Variants in EIF2S1 observed in about 807,000 individuals in gnomAD.
EIF2S1 encodes the protein eukaryotic translation initiation factor 2 subunit 1.
EIF2S1 carries 5 observed loss-of-function variants against 33.5 expected under a neutral mutation model. That is an observed-to-expected ratio of 0.15 (90% CI 0.08 to 0.31). EIF2S1 has a LOEUF of 0.31. Among genes scored for constraint, EIF2S1 ranks in the 10% least tolerant of loss-of-function variants. EIF2S1 has a pLI of 1.00. For synonymous variants in EIF2S1, 99 were observed against 127.5 expected, an observed-to-expected ratio of 0.78 and a Z score of 1.51; for missense variants, 191 against 384.6, an observed-to-expected ratio of 0.50 and a Z score of 4.21.
intron 1 of EIF2S1, chr14:67,364,203 T>C (rs2085759786): frequency 6.6e-6 from 1 of 152,182 alleles, no homozygotes; most frequent in Non-Finnish European, 1.5e-5. Context: ...TTTTAGTTTA[T>C]TTTGTGATTA....
chr14:67,385,386 G>A lies in EIF2S1; in HGVS notation c.*1946G>A, dbSNP rs2085915272. 1 of 150,866 alleles carries A rather than the reference G, an allele frequency of 6.6e-6. No individual in the cohort carries two copies. The highest frequency in any genetic ancestry group is 1.5e-5 in the Non-Finnish European group (1 of 67,796). The allele number at this position is 150,866 out of a possible 1,614,324, so 9.3% of individuals were successfully genotyped here. On this transcript the variant is annotated 3_prime_UTR_variant, in exon 8 of 8. Transcript: ENST00000256383. ...CAGGAGGATCACTTGAGGCCAGTGA[G>A]CTGTGATCACTCCAGTGCACTCGAG... is the stretch of plus-strand genomic sequence containing the variant.
chr14:67,381,511 T>C, intron 5 of EIF2S1, 82 bp from the exon 6 acceptor site: 1 of 1,058,978 alleles, frequency 9.4e-7, no homozygotes, highest in Non-Finnish European at 1.5e-6. Flanking sequence ...AATACTAATA[T>C]ATCTGCCACG....
At chr14:67,377,539 A>G (rs963796677) in intron 4 of EIF2S1, among the ~76,000 whole-genome samples, 1 of 152,224 alleles carries the variant, frequency 6.6e-6, no homozygotes, top group Non-Finnish European at 1.5e-5. Context: ...TGTCTCAACA[A>G]ACTTACATAT....
chr14:67,383,558 A>C lies in EIF2S1; in HGVS notation c.*118A>C. 4 of 1,415,264 alleles carry C rather than the reference A, an allele frequency of 2.8e-6. No individual in the cohort carries two copies. Among genetic ancestry groups the C allele is most frequent in the Non-Finnish European group, 3.9e-6 (4 of 1,037,976 alleles). 87.7% of individuals were successfully genotyped at this position (1,415,264 alleles called of 1,614,324 possible). A position where few individuals can be genotyped will look rare whatever the true frequency, so the allele number is the denominator to read the frequency against. On this transcript the variant is annotated 3_prime_UTR_variant, in exon 8 of 8. Transcript: ENST00000256383. The stretch of plus-strand genomic sequence containing the variant: ...TCAAAGCTGAATATTTTTTATTTCT[A>C]AGTATTTAAATGTTCTAACAGATCA...
rs189604510 is a variant in EIF2S1, at chr14:67,363,771, A to C, written c.-1-996A>C. Among the ~76,000 whole-genome samples the C allele has an allele frequency of 6.4e-4, 98 of 152,324 alleles. 1 individual carries two copies. In the East Asian group the frequency reaches 0.019, roughly 29 times the overall value. On this transcript the variant is annotated intron_variant, in intron 1 of 7. Coordinates refer to ENST00000256383, the MANE Select transcript of EIF2S1 (RefSeq NM_004094.5). The stretch of plus-strand genomic sequence containing the variant: ...CACTGAGAAGATATAGGCAGGTGCC[A>C]ATTAATAAGTTATTATATGAATTTT...
In EIF2S1 at chr14:67,379,310, A is replaced by T. The variant is rs2085873601; in HGVS notation, c.474-1349A>T. Reference sequence around the variant, plus strand: ...AAATCCTTGCCACAATTTGGTATATATCTGATTTTTTCTCCTTTTTCTAGT... The same window carrying T: ...AAATCCTTGCCACAATTTGGTATATTTCTGATTTTTTCTCCTTTTTCTAGT... On this transcript the variant is annotated intron_variant, in intron 4 of 7. Transcript: ENST00000256383. Among the ~76,000 whole-genome samples the T allele has an allele frequency of 4.6e-5, 7 of 152,340 alleles. No homozygotes were observed. In the South Asian group the frequency reaches 1.4e-3, roughly 32 times the overall value.
chr14:67,364,773 G>A lies in EIF2S1; in HGVS notation c.6G>A (p.Pro2=), dbSNP rs374574823. The change falls in exon 2 of 8, where the codon CCG becomes CCA. Residue 2 remains proline (P), a synonymous_variant. Transcript: ENST00000256383. ...TCTTTTGTTTAAATTGCAGAATGCCGGGTCTAAGTTGTAGATTTTATCAAC... is the reference window on the plus strand; with the variant it reads ...TCTTTTGTTTAAATTGCAGAATGCCAGGTCTAAGTTGTAGATTTTATCAAC... M[P]GLSCRFYQHK... is the part of the protein sequence containing the mutation. 9 of 1,608,016 alleles carry A rather than the reference G, an allele frequency of 5.6e-6. No individual in the cohort carries two copies. The East Asian group carries it at 9.0e-5, about 16-fold the overall frequency.
intron 1 of EIF2S1, among the ~76,000 whole-genome samples, chr14:67,363,098 A>G (rs986344558): frequency 1.3e-5 from 2 of 152,142 alleles, no homozygotes; most frequent in African/African-American, 4.8e-5. Context: ...ATGTCTTGCA[A>G]CTGTTCCATA....
intron 4 of EIF2S1, among the ~76,000 whole-genome samples, chr14:67,378,125 A>T (rs1001972048): frequency 3.3e-4 from 44 of 133,242 alleles, no homozygotes; most frequent in Admixed American, 3.1e-3. Flanking sequence ...CTTGTCTCTT[A>T]AAAAAAAAAA....
intron 6 of EIF2S1, 62 bp from the exon 7 acceptor site, chr14:67,382,385 A>G: frequency 6.9e-7 from 1 of 1,449,022 alleles, no homozygotes; most frequent in Non-Finnish European, 9.4e-7. Flanking sequence ...AATCTCAAGC[A>G]TCCTAATAGT....
chr14:67,380,897 C>A, intron 5 of EIF2S1, 132 bp downstream of exon 5: 1 of 457,648 alleles, frequency 2.2e-6, no homozygotes, highest in South Asian at 7.0e-5. Context: ...TTTTTTATAA[C>A]AAAAGCTTAA....
rs1159246864 is a variant in EIF2S1, at chr14:67,385,967, C to G, written c.*2527C>G. The G allele has an allele frequency of 6.6e-6, 1 of 152,060 alleles. No individual in the cohort carries two copies. Among genetic ancestry groups the G allele is most frequent in the Non-Finnish European group, 1.5e-5 (1 of 68,004 alleles). 9.4% of individuals were successfully genotyped at this position (152,060 alleles called of 1,614,324 possible). A position where few individuals can be genotyped will look rare whatever the true frequency, so the allele number is the denominator to read the frequency against. ...ATGGCTAGAGATTTTTTTAAAAATA[C>G]AAATGCCAGTACCTTGCCGAGACTT... On this transcript the variant is annotated 3_prime_UTR_variant, in exon 8 of 8. Coordinates refer to ENST00000256383, the MANE Select transcript of EIF2S1 (RefSeq NM_004094.5).
At chr14:67,371,334 G>A (rs528951755) in intron 2 of EIF2S1, among the ~76,000 whole-genome samples, 9 of 151,286 alleles carry the variant, frequency 5.9e-5, no homozygotes, top group Admixed American at 1.3e-4. Context: ...GTGGGAGGAC[G>A]GCTTGAGCCC....
chr14:67,361,966 T>C (rs1039394370), intron 1 of EIF2S1, among the ~76,000 whole-genome samples: 1 of 152,174 alleles, frequency 6.6e-6, no homozygotes, highest in African/African-American at 2.4e-5. Context: ...TGCTTGCTAG[T>C]TTGTTTCCCA....
chr14:67,367,144 C>A (rs560946542), intron 2 of EIF2S1, among the ~76,000 whole-genome samples: 1 of 152,326 alleles, frequency 6.6e-6, no homozygotes, highest in African/African-American at 2.4e-5. Context: ...GGGGAAAAAT[C>A]TGAACAGATT....
Position 67,360,330 on chromosome 14 carries a change from G to T in EIF2S1, c.-128G>T, listed in dbSNP as rs1371736651. ...TTGCGCATGCGAGGAGGTTCCGCAT[G>T]CGCGGTGGAGTGAGCGAAGCGCACG... On this transcript the variant is annotated 5_prime_UTR_variant, in exon 1 of 8. The change abolishes an upstream ATG in the 5' untranslated region. Coordinates refer to ENST00000256383, the MANE Select transcript of EIF2S1 (RefSeq NM_004094.5). 3 of 397,902 alleles carry T rather than the reference G, an allele frequency of 7.5e-6. No homozygotes were observed. Among genetic ancestry groups the T allele is most frequent in the African/African-American group, 2.1e-5 (1 of 48,630 alleles). The allele number at this position is 397,902 out of a possible 1,614,324, so 24.6% of individuals were successfully genotyped here.
intron 1 of EIF2S1, among the ~76,000 whole-genome samples, chr14:67,362,691 G>C (rs1042732135): frequency 6.6e-6 from 1 of 152,000 alleles, no homozygotes; most frequent in African/African-American, 2.4e-5. Context: ...CTGTGAAAAA[G>C]ATAAAGAGGT....
At chr14:67,369,511 A>G (rs2085804726) in intron 2 of EIF2S1, among the ~76,000 whole-genome samples, 1 of 152,244 alleles carries the variant, frequency 6.6e-6, no homozygotes, top group Admixed American at 6.5e-5. Flanking sequence ...CAGAAAAGGC[A>G]AAATACACAT....
chr14:67,378,775 A>C (rs1374368570), intron 4 of EIF2S1, among the ~76,000 whole-genome samples: 1 of 152,160 alleles, frequency 6.6e-6, no homozygotes, highest in Non-Finnish European at 1.5e-5. Context: ...GATTTAACTA[A>C]TGCTAGTTCT....
Sources: gnomAD v4.1 joint callset for allele counts (sites outside exome capture counted in the v4.1 genomes callset) on GRCh38, gnomAD v4.1.1 for gene constraint, MANE v1.5 for transcripts, NCBI Gene and HGNC (gene_info 2026-07-23, HGNC 2026-07-21) for gene names.